The following GBE1 variants were observed in gnomAD, a reference collection of about 807,000 sequenced individuals.
GBE1 encodes 1,4-alpha-glucan branching enzyme 1, also known as 1,4-alpha-glucan-branching enzyme.
A neutral mutation model predicts 88.8 loss-of-function variants in GBE1; 70 were observed. That is an observed-to-expected ratio of 0.79 (90% CI 0.65 to 0.96). GBE1 has a LOEUF of 0.96. Among genes scored for constraint, GBE1 ranks in the 40% least tolerant of loss-of-function variants. The probability of loss-of-function intolerance (pLI) is 0.00; values close to 1 mark genes in which losing one functional copy is unlikely to be tolerated. For synonymous variants in GBE1, 284 were observed against 300.1 expected (o/e 0.95, Z 0.56); for missense variants, 872 against 871.0 (o/e 1.00, Z -0.01).
At chr3:81,758,309 T>C (rs1706631156) in intron 1 of GBE1, among the ~76,000 whole-genome samples, 2 of 152,240 alleles carry the variant, frequency 1.3e-5, no homozygotes, top group Admixed American at 1.3e-4. Context: ...TTAAATTGTG[T>C]TGTTTTGACA....
chr3:81,727,051 C>T (rs1706123087), intron 1 of GBE1, among the ~76,000 whole-genome samples: 1 of 151,910 alleles, frequency 6.6e-6, no homozygotes, highest in African/African-American at 2.4e-5. Context: ...TGTTCTCTTC[C>T]CTAAGGCAGA....
chr3:81,663,130 G>T (rs528030501), intron 3 of GBE1, among the ~76,000 whole-genome samples: 78 of 152,286 alleles, frequency 5.1e-4, no homozygotes, highest in Non-Finnish European at 9.6e-4. Context: ...GAAGTGCTGG[G>T]TAGAGAAAGC....
chr3:81,539,060 C>T (rs1368015983), intron 12 of GBE1, among the ~76,000 whole-genome samples: 14 of 152,152 alleles, frequency 9.2e-5, no homozygotes, highest in Admixed American at 8.5e-4. Flanking sequence ...TTAACCCTAT[C>T]TTCCACAATT....
At chr3:81,703,598 T>C (rs946601587) in intron 2 of GBE1, among the ~76,000 whole-genome samples, 17 of 152,034 alleles carry the variant, frequency 1.1e-4, no homozygotes, top group African/African-American at 3.9e-4. Flanking sequence ...TGGAAACCTC[T>C]TAATTTTGTT....
intron 14 of GBE1, among the ~76,000 whole-genome samples, chr3:81,520,047 C>T (rs1163605605): frequency 1.3e-5 from 2 of 151,444 alleles, no homozygotes; most frequent in Admixed American, 6.6e-5. Flanking sequence ...AGAATATGGG[C>T]TATGGAAAAC....
chr3:81,515,512 G>A (rs888942232), intron 14 of GBE1, among the ~76,000 whole-genome samples: 1 of 151,326 alleles, frequency 6.6e-6, no homozygotes, highest in African/African-American at 2.4e-5. Flanking sequence ...CCTCCGTATT[G>A]TCTAAGACCA....
In GBE1 at chr3:81,599,477, A is replaced by G. The variant is rs139729363; in HGVS notation, c.993-5454T>C. ...GTAAACTTAGATGGGAGAGCCTACT[A>G]CTACACACCTAGGCTATATGGTATA... On this transcript the variant is annotated intron_variant, in intron 7 of 15. Transcript: ENST00000429644. Among the ~76,000 whole-genome samples, 406 of 152,270 alleles carry G rather than the reference A, an allele frequency of 2.7e-3. 1 individual carries two copies. The highest frequency in any genetic ancestry group is 5.6e-3 in the South Asian group (27 of 4,824).
At chr3:81,697,558 G>A (rs1480384747) in intron 2 of GBE1, among the ~76,000 whole-genome samples, 2 of 152,012 alleles carry the variant, frequency 1.3e-5, no homozygotes, top group Admixed American at 6.6e-5. Flanking sequence ...CCTTGGCCTC[G>A]CAAAGTGCTG....
chr3:81,640,539 A>C (rs1228544572), intron 7 of GBE1, among the ~76,000 whole-genome samples: 1 of 151,756 alleles, frequency 6.6e-6, no homozygotes, highest in Non-Finnish European at 1.5e-5. Flanking sequence ...CTTGCAGATG[A>C]CCTATTGTGG....
At chr3:81,680,865 G>A (rs949045931) in intron 2 of GBE1, among the ~76,000 whole-genome samples, 4 of 152,242 alleles carry the variant, frequency 2.6e-5, no homozygotes, top group Admixed American at 6.5e-5. Context: ...CAACGCCAGA[G>A]AGGGCTCACA....
chr3:81,684,961 A>C (rs890265938), intron 2 of GBE1, among the ~76,000 whole-genome samples: 6 of 152,200 alleles, frequency 3.9e-5, no homozygotes, highest in African/African-American at 1.4e-4. Context: ...TTCAACCTTA[A>C]ATGACAACAA....
At chr3:81,746,227 G>A (rs1706418669) in intron 1 of GBE1, among the ~76,000 whole-genome samples, 1 of 152,146 alleles carries the variant, frequency 6.6e-6, no homozygotes, top group Admixed American at 6.5e-5. Context: ...GACTGATACT[G>A]TGAAATGAGA....
intron 3 of GBE1, among the ~76,000 whole-genome samples, chr3:81,667,308 T>G (rs1705125330): frequency 6.6e-6 from 1 of 152,186 alleles, no homozygotes; most frequent in Admixed American, 6.6e-5. Flanking sequence ...ATCCTGAGAC[T>G]CCACTGAAGT....
At chr3:81,639,000 G>T (rs1704631624) in intron 7 of GBE1, among the ~76,000 whole-genome samples, 2 of 152,154 alleles carry the variant, frequency 1.3e-5, no homozygotes, top group African/African-American at 2.4e-5. Flanking sequence ...CCATATTTAT[G>T]TCTGTTTGTC....
chr3:81,608,411 G>T (rs1328482155), intron 7 of GBE1, among the ~76,000 whole-genome samples: 1 of 152,094 alleles, frequency 6.6e-6, no homozygotes, highest in Non-Finnish European at 1.5e-5. Flanking sequence ...ATTAAATCAG[G>T]CATTTAGGAA....
chr3:81,498,971 A>G (rs1702550274), intron 15 of GBE1, 139 bp downstream of exon 15: 1 of 608,970 alleles, frequency 1.6e-6, no homozygotes, highest in Non-Finnish European at 2.9e-6. Context: ...GGCCAAGCGT[A>G]GTCCCCTCTC....
intron 12 of GBE1, among the ~76,000 whole-genome samples, chr3:81,564,793 C>A (rs981620702): frequency 6.6e-6 from 1 of 152,098 alleles, no homozygotes; most frequent in Non-Finnish European, 1.5e-5. Context: ...GTGACTCCGG[C>A]ACAGTCCAGG....
chr3:81,511,590 A>C (rs1702725920), intron 14 of GBE1, among the ~76,000 whole-genome samples: 1 of 151,962 alleles, frequency 6.6e-6, no homozygotes, highest in Non-Finnish European at 1.5e-5. Context: ...AAAATGCTCA[A>C]CATCACTAAT....
chr3:81,514,245 T>C (rs1007935350), intron 14 of GBE1, among the ~76,000 whole-genome samples: 1 of 151,634 alleles, frequency 6.6e-6, no homozygotes, highest in African/African-American at 2.4e-5. Context: ...CAGTAATGTT[T>C]ATAATTTTAC....
Sources: gnomAD v4.1 joint callset for allele counts (sites outside exome capture counted in the v4.1 genomes callset) on GRCh38, gnomAD v4.1.1 for gene constraint, MANE v1.5 for transcripts, NCBI Gene and HGNC (gene_info 2026-07-23, HGNC 2026-07-21) for gene names.